Variants in ADAMTS20 observed in about 807,000 individuals in gnomAD.
ADAMTS20 encodes A disintegrin and metalloproteinase with thrombospondin motifs 20.
A neutral mutation model predicts 260.1 loss-of-function variants in ADAMTS20; 225 were observed. That is an observed-to-expected ratio of 0.87 (90% CI 0.78 to 0.97). The LOEUF is 0.97. Ranked by LOEUF, ADAMTS20 falls within the 50% of genes least tolerant of loss-of-function variation. The probability of loss-of-function intolerance (pLI) is 0.00; values close to 1 mark genes in which losing one functional copy is unlikely to be tolerated. For missense variants in ADAMTS20, 2,400 were observed against 2,337.7 expected, an observed-to-expected ratio of 1.03 and a Z score of -0.55; for synonymous variants, 802 against 769.5, an observed-to-expected ratio of 1.04 and a Z score of -0.70.
At chr12:43,510,053 G>A (rs946512704) in intron 3 of ADAMTS20, among the ~76,000 whole-genome samples, 2 of 152,106 alleles carry the variant, frequency 1.3e-5, no homozygotes, top group Non-Finnish European at 2.9e-5. Flanking sequence ...ATCCTCAATA[G>A]AGAAGTAGTT....
intron 3 of ADAMTS20, among the ~76,000 whole-genome samples, chr12:43,507,251 A>G (rs1942858797): frequency 6.6e-6 from 1 of 152,188 alleles, no homozygotes; most frequent in Non-Finnish European, 1.5e-5. Context: ...TTATACATCA[A>G]TAAAGCTGGG....
intron 9 of ADAMTS20, among the ~76,000 whole-genome samples, chr12:43,464,936 T>C (rs1458962009): frequency 6.6e-6 from 1 of 152,124 alleles, no homozygotes; most frequent in Non-Finnish European, 1.5e-5. Context: ...GGATCTTTAA[T>C]ATGCATGTTT....
At chr12:43,388,820 T>C (rs1252358472) in intron 29 of ADAMTS20, among the ~76,000 whole-genome samples, 1 of 152,150 alleles carries the variant, frequency 6.6e-6, no homozygotes, top group Admixed American at 6.5e-5. Flanking sequence ...TCCCACAATT[T>C]TGGAGGCTGG....
chr12:43,397,601 T>C (rs1940730546), intron 29 of ADAMTS20, among the ~76,000 whole-genome samples: 1 of 152,184 alleles, frequency 6.6e-6, no homozygotes, highest in African/African-American at 2.4e-5. Context: ...CCAGTATTTC[T>C]TTCTTGAACA....
intron 3 of ADAMTS20, among the ~76,000 whole-genome samples, chr12:43,529,226 C>T (rs1209350806): frequency 6.6e-6 from 1 of 152,100 alleles, no homozygotes; most frequent in Admixed American, 6.6e-5. Flanking sequence ...GTACAACCTC[C>T]ATGGAAACCT....
chr12:43,496,240 C>T (rs1303518612), intron 4 of ADAMTS20, among the ~76,000 whole-genome samples: 4 of 152,112 alleles, frequency 2.6e-5, no homozygotes, highest in African/African-American at 9.7e-5. Context: ...ATTTAATTAT[C>T]ACAACAAATC....
chr12:43,459,775 G>GA (rs924856481), intron 11 of ADAMTS20, among the ~76,000 whole-genome samples: 18 of 150,656 alleles, frequency 1.2e-4, no homozygotes, highest in East Asian at 3.9e-4. Flanking sequence ...TATTAGAAGT[G>GA]AAAAAAAAAT....
chr12:43,531,316 T>A (rs1943217469), intron 3 of ADAMTS20, among the ~76,000 whole-genome samples: 1 of 152,112 alleles, frequency 6.6e-6, no homozygotes, highest in Non-Finnish European at 1.5e-5. Flanking sequence ...TCAGGAATTT[T>A]TTTTTCATCT....
intron 7 of ADAMTS20, among the ~76,000 whole-genome samples, chr12:43,481,714 A>C (rs1942444543): frequency 6.6e-6 from 1 of 152,240 alleles, no homozygotes; most frequent in Non-Finnish European, 1.5e-5. Context: ...TAGAAAATAA[A>C]AGTCATTTTT....
intron 7 of ADAMTS20, among the ~76,000 whole-genome samples, chr12:43,469,548 C>A (rs1025149820): frequency 1.4e-4 from 22 of 152,100 alleles, no homozygotes; most frequent in African/African-American, 5.3e-4. Context: ...TTAACATAAT[C>A]CCATGATTTT....
Position 43,453,889 on chromosome 12 carries a change from G to T in ADAMTS20, c.1760+18C>A. The T allele has an allele frequency of 6.4e-7, 1 of 1,574,728 alleles. No individual in the cohort carries two copies. Among genetic ancestry groups the T allele is most frequent in the Non-Finnish European group, 8.6e-7 (1 of 1,158,712 alleles). On this transcript the variant is annotated intron_variant, in intron 12 of 38. Coordinates refer to ENST00000389420, the MANE Select transcript of ADAMTS20 (RefSeq NM_025003.5). The stretch of plus-strand genomic sequence containing the variant: ...CCTTGAGATAATCTTAATTTATAGT[G>T]ACATAAAAAAGACATACTCAGGACG...
intron 2 of ADAMTS20, among the ~76,000 whole-genome samples, chr12:43,544,977 G>C (rs1943423786): frequency 6.6e-6 from 1 of 152,150 alleles, no homozygotes. Context: ...TCTGCCAGTA[G>C]CATGCTCGCC....
chr12:43,442,420 G>T (rs1848897), intron 16 of ADAMTS20, among the ~76,000 whole-genome samples: 1 of 151,922 alleles, frequency 6.6e-6, no homozygotes, highest in Non-Finnish European at 1.5e-5. Context: ...ACCATGTCCG[G>T]CTAATTTTTG....
intron 37 of ADAMTS20, among the ~76,000 whole-genome samples, chr12:43,365,443 T>C (rs1253225462): frequency 6.6e-6 from 1 of 152,060 alleles, no homozygotes; most frequent in Non-Finnish European, 1.5e-5. Flanking sequence ...ATAAGTATAT[T>C]ATTGACCTGT....
chr12:43,492,162 C>T (rs1034912086), intron 6 of ADAMTS20, among the ~76,000 whole-genome samples: 2 of 152,084 alleles, frequency 1.3e-5, no homozygotes, highest in Non-Finnish European at 2.9e-5. Flanking sequence ...GGGTGGATCA[C>T]GAGGTCAGGA....
In ADAMTS20 at chr12:43,354,198, C is replaced by T. The variant is rs1190870801; in HGVS notation, c.*11G>A. Reference sequence around the variant, plus strand: ...TCCCCTCTTTAGGGCATACTTCCCCCTTCTAAATGTTCATATGACTTGAAT... The same window carrying T: ...TCCCCTCTTTAGGGCATACTTCCCCTTTCTAAATGTTCATATGACTTGAAT... On this transcript the variant is annotated 3_prime_UTR_variant, in exon 39 of 39. Transcript: ENST00000389420. The T allele has an allele frequency of 7.7e-6, 12 of 1,555,164 alleles. No homozygotes were observed. Among genetic ancestry groups the T allele is most frequent in the Admixed American group, 1.9e-5 (1 of 54,046 alleles).
intron 22 of ADAMTS20, 121 bp from the exon 23 acceptor site, chr12:43,430,592 T>C: frequency 1.1e-6 from 1 of 943,244 alleles, no homozygotes; most frequent in South Asian, 3.0e-5. Context: ...CAATCCTTTA[T>C]ACTAGATTTA....
intron 16 of ADAMTS20, among the ~76,000 whole-genome samples, chr12:43,440,666 C>A (rs1941645448): frequency 6.6e-6 from 1 of 152,082 alleles, no homozygotes; most frequent in South Asian, 2.1e-4. Context: ...TCAGAACAAG[C>A]AGTGGGAAAG....
intron 18 of ADAMTS20, 97 bp from the exon 19 acceptor site, chr12:43,434,468 C>T (rs572506079): frequency 7.7e-7 from 1 of 1,295,550 alleles, no homozygotes; most frequent in African/African-American, 1.5e-5. Flanking sequence ...AAGGAGCCAG[C>T]TAAGCAAGTA....
Sources: gnomAD v4.1 joint callset for allele counts (sites outside exome capture counted in the v4.1 genomes callset) on GRCh38, gnomAD v4.1.1 for gene constraint, MANE v1.5 for transcripts, NCBI Gene and HGNC (gene_info 2026-07-23, HGNC 2026-07-21) for gene names.